Variants in GALNT13 observed in about 807,000 individuals in gnomAD.
GALNT13 encodes UDP-GalNAc:polypeptide N-acetylgalactosaminyltransferase 13.
GALNT13 carries 28 observed loss-of-function variants against 64.2 expected under a neutral mutation model. The ratio of observed to expected loss-of-function variants is 0.44; its 90% CI spans 0.32 to 0.60. The LOEUF (loss-of-function observed/expected upper bound fraction) is 0.60, where lower values mean the gene tolerates loss of function less well. Among genes scored for constraint, GALNT13 ranks in the 20% least tolerant of loss-of-function variants. The probability of loss-of-function intolerance (pLI) is 0.05; values close to 1 mark genes in which losing one functional copy is unlikely to be tolerated. For missense variants in GALNT13, 577 were observed against 669.8 expected, an observed-to-expected ratio of 0.86 and a Z score of 1.53; for synonymous variants, 214 against 224.6, an observed-to-expected ratio of 0.95 and a Z score of 0.42.
At chr2:154,194,208 G>A (rs915738609) in intron 4 of GALNT13, among the ~76,000 whole-genome samples, 1 of 152,170 alleles carries the variant, frequency 6.6e-6, no homozygotes, top group African/African-American at 2.4e-5. Context: ...ACTGCTGCAA[G>A]AAGATATTAT....
chr2:153,088,684 G>T, the GALNT13 span, among the ~76,000 whole-genome samples: 1 of 152,040 alleles, frequency 6.6e-6, no homozygotes, highest in Non-Finnish European at 1.5e-5. Flanking sequence ...ATTTTTTGCT[G>T]TTGAACTAAT....
intron 3 of GALNT13, among the ~76,000 whole-genome samples, chr2:153,972,557 A>G (rs1693810986): frequency 6.6e-6 from 1 of 152,130 alleles, no homozygotes; most frequent in African/African-American, 2.4e-5. Context: ...GCTGCTGCTT[A>G]TATTTCATAA....
At chr2:154,182,832 A>G (rs1177088174) in intron 4 of GALNT13, among the ~76,000 whole-genome samples, 1 of 151,990 alleles carries the variant, frequency 6.6e-6, no homozygotes, top group East Asian at 1.9e-4. Context: ...ACCTGAGCCT[A>G]AGATTTCAAT....
At chr2:154,226,907 T>A (rs1208247514) in intron 4 of GALNT13, among the ~76,000 whole-genome samples, 1 of 152,164 alleles carries the variant, frequency 6.6e-6, no homozygotes. Context: ...TATATAGTGC[T>A]ATATAGTTAA....
At chr2:154,192,786 G>A (rs1469163876) in intron 4 of GALNT13, among the ~76,000 whole-genome samples, 1 of 152,112 alleles carries the variant, frequency 6.6e-6, no homozygotes, top group African/African-American at 2.4e-5. Context: ...TTTTAAGGTT[G>A]TTATCTTGTG....
At chr2:154,001,136 G>T (rs1288069943) in intron 3 of GALNT13, among the ~76,000 whole-genome samples, 3 of 151,752 alleles carry the variant, frequency 2.0e-5, no homozygotes, top group Admixed American at 2.0e-4. Flanking sequence ...AGTTTGTGTG[G>T]AATATCTTTT....
At chr2:153,702,635 A>G in the GALNT13 span, among the ~76,000 whole-genome samples, 1 of 152,120 alleles carries the variant, frequency 6.6e-6, no homozygotes, top group Non-Finnish European at 1.5e-5. Context: ...ATCAAGGATG[A>G]CTTCAAGTTT....
At chr2:154,389,146 G>C (rs1698659108) in intron 9 of GALNT13, among the ~76,000 whole-genome samples, 1 of 151,968 alleles carries the variant, frequency 6.6e-6, no homozygotes, top group African/African-American at 2.4e-5. Context: ...TTGGGGGGGT[G>C]GTTTTTTGAG....
At chr2:153,649,270 C>A in the GALNT13 span, among the ~76,000 whole-genome samples, 8 of 152,256 alleles carry the variant, frequency 5.3e-5, no homozygotes, top group African/African-American at 1.7e-4. Flanking sequence ...TTATAGTATT[C>A]TCTGATGGTA....
the GALNT13 span, among the ~76,000 whole-genome samples, chr2:153,803,595 G>C: frequency 2.0e-5 from 3 of 151,480 alleles, no homozygotes; most frequent in African/African-American, 7.3e-5. Context: ...GGGAGGCTGA[G>C]GCAGGAGAAC....
the GALNT13 span, among the ~76,000 whole-genome samples, chr2:153,483,975 T>C: frequency 6.6e-6 from 1 of 152,182 alleles, no homozygotes; most frequent in African/African-American, 2.4e-5. Context: ...CACAAAAATA[T>C]GAATCTACTT....
At chr2:153,421,382 C>T in the GALNT13 span, 52 of 227,088 alleles carry the variant, frequency 2.3e-4, no homozygotes, top group African/African-American at 1.1e-3. Flanking sequence ...GCCTCATTGT[C>T]TACTATGAAG....
At chr2:153,118,051 C>T in the GALNT13 span, among the ~76,000 whole-genome samples, 1 of 150,650 alleles carries the variant, frequency 6.6e-6, no homozygotes, top group African/African-American at 2.4e-5. Context: ...GTCAATCCTT[C>T]ACATTGATAA....
the GALNT13 span, among the ~76,000 whole-genome samples, chr2:153,366,487 G>A: frequency 6.6e-6 from 1 of 152,044 alleles, no homozygotes; most frequent in African/African-American, 2.4e-5. Context: ...GAGGAGTGGT[G>A]GGTGGGGAGA....
At chr2:154,386,794 A>G (rs1411837500) in intron 9 of GALNT13, among the ~76,000 whole-genome samples, 2 of 152,054 alleles carry the variant, frequency 1.3e-5, no homozygotes, top group African/African-American at 4.8e-5. Flanking sequence ...CTTATTTCCC[A>G]TATTCTCAAT....
chr2:153,993,914 C>CT lies in GALNT13; in HGVS notation c.142+49283dup, dbSNP rs921208978. Among the ~76,000 whole-genome samples the CT allele has an allele frequency of 2.0e-3, 307 of 151,678 alleles. 2 individuals are homozygous for CT. Among genetic ancestry groups the CT allele is most frequent in the African/African-American group, 7.0e-3 (288 of 41,388 alleles). ...ATTCAACAGAACACTTAATTGTTTT[C>CT]TTTTTTTTGTTATTATTATACTTTA... is the stretch of plus-strand genomic sequence containing the variant. On this transcript the variant is annotated intron_variant, in intron 3 of 12. Transcript: ENST00000392825.
chr2:153,925,625 T>G (rs1179317675), intron 2 of GALNT13, among the ~76,000 whole-genome samples: 1 of 152,052 alleles, frequency 6.6e-6, no homozygotes, highest in Non-Finnish European at 1.5e-5. Context: ...AAAATAGCAT[T>G]GAATCTGTAA....
the GALNT13 span, among the ~76,000 whole-genome samples, chr2:153,257,374 C>T: frequency 5.7e-3 from 862 of 152,114 alleles, 5 homozygotes; most frequent in Middle Eastern, 0.017. Context: ...GTGAGATGAA[C>T]CCGGTACCTC....
chr2:154,288,896 TG>T (rs1411361774), intron 8 of GALNT13, among the ~76,000 whole-genome samples: 1 of 152,248 alleles, frequency 6.6e-6, no homozygotes, highest in African/African-American at 2.4e-5. Flanking sequence ...TTCTAGGGTC[TG>T]GAGGACGGTG....
Sources: gnomAD v4.1 joint callset for allele counts (sites outside exome capture counted in the v4.1 genomes callset) on GRCh38, gnomAD v4.1.1 for gene constraint, MANE v1.5 for transcripts, NCBI Gene and HGNC (gene_info 2026-07-23, HGNC 2026-07-21) for gene names.